Variants in ZBTB20 observed in about 807,000 individuals in gnomAD.
ZBTB20 encodes the protein zinc finger and BTB domain containing 20.
In ZBTB20, 9 loss-of-function variants were observed where a neutral mutation model predicts 56.9. That is an observed-to-expected ratio of 0.16 (90% CI 0.10 to 0.28). The LOEUF is 0.28. Ranked by LOEUF, ZBTB20 falls within the 10% of genes least tolerant of loss-of-function variation. ZBTB20 has a pLI of 1.00. For missense variants in ZBTB20, 655 were observed against 1,003.0 expected, an observed-to-expected ratio of 0.65 and a Z score of 4.69; for synonymous variants, 417 against 420.7, an observed-to-expected ratio of 0.99 and a Z score of 0.11.
At chr3:114,546,457 A>G (rs2049892085) in intron 6 of ZBTB20, among the ~76,000 whole-genome samples, 1 of 151,916 alleles carries the variant, frequency 6.6e-6, no homozygotes, top group South Asian at 2.1e-4. Context: ...AGGAGTCCTG[A>G]GTGCTTTACC....
At chr3:114,885,597 C>A (rs1043365913) in intron 4 of ZBTB20, among the ~76,000 whole-genome samples, 1 of 151,140 alleles carries the variant, frequency 6.6e-6, no homozygotes, top group Non-Finnish European at 1.5e-5. Context: ...GCAACAGATA[C>A]AAGACAAACT....
At chr3:115,059,448 G>C (rs553092729) in intron 2 of ZBTB20, among the ~76,000 whole-genome samples, 1 of 152,140 alleles carries the variant, frequency 6.6e-6, no homozygotes, top group African/African-American at 2.4e-5. Context: ...TATTAACAAA[G>C]TGTCTCCACT....
chr3:114,836,091 A>T (rs2108978012), intron 4 of ZBTB20, among the ~76,000 whole-genome samples: 1 of 152,328 alleles, frequency 6.6e-6, no homozygotes, highest in East Asian at 1.9e-4. Flanking sequence ...AGGGAAATGA[A>T]TGAGCTGCTA....
chr3:114,892,290 C>T (rs2076843649), intron 4 of ZBTB20, among the ~76,000 whole-genome samples: 1 of 152,140 alleles, frequency 6.6e-6, no homozygotes, highest in South Asian at 2.1e-4. Flanking sequence ...ACATTAACTG[C>T]TTATTCTCTG....
chr3:114,987,485 A>C (rs1227637450), intron 2 of ZBTB20, among the ~76,000 whole-genome samples: 1 of 152,194 alleles, frequency 6.6e-6, no homozygotes, highest in Admixed American at 6.5e-5. Context: ...CCTCATATGA[A>C]GGAGAAATCA....
At chr3:114,544,890 C>T (rs1199561193) in intron 6 of ZBTB20, among the ~76,000 whole-genome samples, 2 of 152,084 alleles carry the variant, frequency 1.3e-5, no homozygotes, top group Non-Finnish European at 2.9e-5. Context: ...TTATTTAATA[C>T]CAAAACATGG....
chr3:114,884,252 T>A (rs1016589101), intron 4 of ZBTB20, among the ~76,000 whole-genome samples: 35 of 152,184 alleles, frequency 2.3e-4, no homozygotes, highest in African/African-American at 8.2e-4. Context: ...ACACCATAGG[T>A]ACATTTGTAA....
chr3:115,145,960 C>A (rs1576846445), intron 1 of ZBTB20, among the ~76,000 whole-genome samples: 1 of 152,124 alleles, frequency 6.6e-6, no homozygotes, highest in East Asian at 1.9e-4. Context: ...AATGTATACA[C>A]CGCCACGCAG....
At chr3:114,681,265 TC>T (rs1330962071) in intron 6 of ZBTB20, among the ~76,000 whole-genome samples, 1 of 151,784 alleles carries the variant, frequency 6.6e-6, no homozygotes, top group Non-Finnish European at 1.5e-5. Flanking sequence ...GTTTAAGCGA[TC>T]CTTCTGCCTT....
chr3:114,946,040 T>G lies in ZBTB20; in HGVS notation c.-456+28326A>C, dbSNP rs550619334. 8.9e-5 allele frequency among the ~76,000 whole-genome samples: 13 copies of G among 145,254 alleles called. No individual in the cohort carries two copies. In the East Asian group the frequency reaches 2.3e-3, roughly 26 times the overall value. ...TGTACAAATTGACCAAACTAAAAGG[T>G]GAAATAAACAAATACACAATCAAGT... is the stretch of plus-strand genomic sequence containing the variant. On this transcript the variant is annotated intron_variant, in intron 3 of 11. Coordinates refer to ENST00000675478, the MANE Select transcript of ZBTB20 (RefSeq NM_001348800.3).
chr3:114,491,436 T>A (rs1435383572), intron 7 of ZBTB20, among the ~76,000 whole-genome samples: 1 of 152,218 alleles, frequency 6.6e-6, no homozygotes, highest in Non-Finnish European at 1.5e-5. Context: ...CTTCCCCGCT[T>A]ATTCTTAGCA....
At chr3:115,116,981 A>G (rs1560585135) in intron 1 of ZBTB20, among the ~76,000 whole-genome samples, 2 of 152,092 alleles carry the variant, frequency 1.3e-5, no homozygotes, top group Non-Finnish European at 2.9e-5. Context: ...GCTGTTTATT[A>G]TCTGTAAAAA....
At chr3:114,411,765 C>A (rs2087979124) in intron 7 of ZBTB20, among the ~76,000 whole-genome samples, 1 of 152,002 alleles carries the variant, frequency 6.6e-6, no homozygotes, top group South Asian at 2.1e-4. Context: ...ACAGATGCTA[C>A]TGAGTTTGTT....
chr3:114,620,544 G>A (rs562739252), intron 6 of ZBTB20, among the ~76,000 whole-genome samples: 4 of 152,146 alleles, frequency 2.6e-5, no homozygotes, highest in East Asian at 3.9e-4. Context: ...CGCCCGCCTC[G>A]GCCTCCCAAA....
At chr3:114,763,901 G>A (rs1040288348) in intron 5 of ZBTB20, among the ~76,000 whole-genome samples, 7 of 151,900 alleles carry the variant, frequency 4.6e-5, no homozygotes, top group Non-Finnish European at 1.0e-4. Context: ...TATATTAGAG[G>A]AATTGATTTT....
intron 6 of ZBTB20, among the ~76,000 whole-genome samples, chr3:114,639,429 T>C (rs373272419): frequency 7.9e-5 from 12 of 151,580 alleles, no homozygotes; most frequent in African/African-American, 1.2e-4. Context: ...TAAGGAATCT[T>C]GTATTTCTTT....
Position 114,698,864 on chromosome 3 carries a change from G to C in ZBTB20, c.-342-5289C>G, listed in dbSNP as rs567677705. 2.6e-5 allele frequency among the ~76,000 whole-genome samples: 4 copies of C among 152,240 alleles called. No homozygotes were observed. In the East Asian group the frequency reaches 7.7e-4, roughly 29 times the overall value. On this transcript the variant is annotated intron_variant, in intron 5 of 11. Coordinates refer to ENST00000675478, the MANE Select transcript of ZBTB20 (RefSeq NM_001348800.3). ...TGGTATGCACACAGTTGTATACCTAGCACTTGCCATGGTGCTTGGCACATT... is the reference window on the plus strand; with the variant it reads ...TGGTATGCACACAGTTGTATACCTACCACTTGCCATGGTGCTTGGCACATT...
At chr3:114,986,530 A>T (rs980440117) in intron 2 of ZBTB20, among the ~76,000 whole-genome samples, 9 of 152,014 alleles carry the variant, frequency 5.9e-5, no homozygotes, top group Non-Finnish European at 1.0e-4. Context: ...TTCTCTTACA[A>T]TGTTTTATGA....
chr3:114,416,326 T>TA (rs35964942), intron 7 of ZBTB20, among the ~76,000 whole-genome samples: 1,468 of 145,514 alleles, frequency 0.01, 19 homozygotes, highest in African/African-American at 0.035. Flanking sequence ...TAGCAATACT[T>TA]AAAAAAAAAA....
Sources: allele counts gnomAD v4.1 joint callset (sites outside exome capture counted in the v4.1 genomes callset), GRCh38; gene constraint gnomAD v4.1.1; transcripts MANE v1.5; gene names NCBI Gene and HGNC (gene_info 2026-07-23, HGNC 2026-07-21).